Variants in RBFOX1 observed in about 807,000 individuals in gnomAD.
RBFOX1 encodes the protein RNA binding fox-1 homolog 1.
A neutral mutation model predicts 57.7 loss-of-function variants in RBFOX1; 8 were observed. The observed-to-expected ratio is 0.14, with a 90% CI of 0.08 to 0.25. The LOEUF is 0.25. Among genes scored for constraint, RBFOX1 ranks in the 10% least tolerant of loss-of-function variants. The pLI is 1.00. For missense variants in RBFOX1, 611 were observed against 548.5 expected (o/e 1.11, Z -1.14); for synonymous variants, 326 against 222.4 (o/e 1.47, Z -4.15).
chr16:6,934,483 A>G (rs540512037), intron 3 of RBFOX1, among the ~76,000 whole-genome samples: 1 of 152,320 alleles, frequency 6.6e-6, no homozygotes, highest in African/African-American at 2.4e-5. Flanking sequence ...CTAACTGTCC[A>G]TCAGTGGGCT....
intron 3 of RBFOX1, among the ~76,000 whole-genome samples, chr16:6,850,006 A>G (rs1437697314): frequency 6.6e-6 from 1 of 152,202 alleles, no homozygotes; most frequent in Non-Finnish European, 1.5e-5. Flanking sequence ...AACAAAAGTG[A>G]CAAGTGACAT....
At chr16:7,035,389 C>A (rs528304786) in intron 3 of RBFOX1, among the ~76,000 whole-genome samples, 1 of 152,192 alleles carries the variant, frequency 6.6e-6, no homozygotes, top group Admixed American at 6.5e-5. Flanking sequence ...TCACGTTATA[C>A]ACTTAAATTA....
At chr16:7,281,330 T>C (rs2095539491) in intron 4 of RBFOX1, among the ~76,000 whole-genome samples, 1 of 151,628 alleles carries the variant, frequency 6.6e-6, no homozygotes. Context: ...AATGAGCTTC[T>C]GCTTGGGGGG....
chr16:5,508,479 C>A (rs191333694), intron 2 of RBFOX1, among the ~76,000 whole-genome samples: 2 of 152,332 alleles, frequency 1.3e-5, no homozygotes, highest in East Asian at 3.9e-4. Context: ...GTGTTCTATT[C>A]ATTAAAAACA....
intron 3 of RBFOX1, among the ~76,000 whole-genome samples, chr16:6,727,393 C>G (rs2067480385): frequency 6.6e-6 from 1 of 151,848 alleles, no homozygotes; most frequent in Admixed American, 6.6e-5. Flanking sequence ...TCTCATTAGT[C>G]TTCATTTTAC....
Position 7,041,180 on chromosome 16 carries a change from C to T in RBFOX1, c.-15-10877C>T, listed in dbSNP as rs560983377. The stretch of plus-strand genomic sequence containing the variant: ...CGAACATCTGACCTCATGATCCACC[C>T]GCCTTGTCCTCCCAAAGTGCTGGGA... On this transcript the variant is annotated intron_variant, in intron 3 of 15. Transcript: ENST00000550418. Among the ~76,000 whole-genome samples, 76 of 151,034 alleles carry T rather than the reference C, an allele frequency of 5.0e-4. 1 individual carries two copies. The highest frequency in any genetic ancestry group is 4.0e-3 in the Admixed American group (61 of 15,108).
intron 4 of RBFOX1, among the ~76,000 whole-genome samples, chr16:5,902,749 AATCTCTTATTCT>A (rs1207077853): frequency 6.6e-6 from 1 of 151,980 alleles, no homozygotes; most frequent in African/African-American, 2.4e-5. Context: ...AGCCTTCATC[AATCTCTTATTCT>A]ATCCACCCTC....
intron 4 of RBFOX1, among the ~76,000 whole-genome samples, chr16:7,073,288 T>C (rs1035039888): frequency 6.6e-6 from 1 of 152,176 alleles, no homozygotes; most frequent in Non-Finnish European, 1.5e-5. Context: ...ACTATTTGGC[T>C]CTTTTCAGAA....
intron 4 of RBFOX1, among the ~76,000 whole-genome samples, chr16:7,393,039 A>G (rs1263875774): frequency 5.9e-5 from 9 of 151,902 alleles, no homozygotes; most frequent in African/African-American, 1.7e-4. Context: ...ACACCTGGCT[A>G]ATTTTTGCAT....
chr16:5,369,433 T>C (rs2065805320), intron 1 of RBFOX1, among the ~76,000 whole-genome samples: 1 of 152,240 alleles, frequency 6.6e-6, no homozygotes, highest in African/African-American at 2.4e-5. Flanking sequence ...TCCCAGTCAC[T>C]GGCATTTGCA....
chr16:6,829,989 T>A (rs925041090), intron 3 of RBFOX1, among the ~76,000 whole-genome samples: 8 of 152,028 alleles, frequency 5.3e-5, no homozygotes, highest in African/African-American at 1.7e-4. Flanking sequence ...CAGTCTCAGC[T>A]CTCTGCCACC....
intron 4 of RBFOX1, among the ~76,000 whole-genome samples, chr16:7,200,825 T>G (rs946889523): frequency 6.6e-6 from 1 of 152,194 alleles, no homozygotes; most frequent in Non-Finnish European, 1.5e-5. Flanking sequence ...CCATAGGCCC[T>G]TTCATGCTTT....
At chr16:5,707,121 G>A (rs2051281876) in intron 3 of RBFOX1, among the ~76,000 whole-genome samples, 1 of 152,082 alleles carries the variant, frequency 6.6e-6, no homozygotes, top group Admixed American at 6.5e-5. Flanking sequence ...GATTTTTCAC[G>A]ACTCTCCCAT....
At chr16:5,780,466 A>G (rs955184385) in intron 3 of RBFOX1, among the ~76,000 whole-genome samples, 13 of 152,262 alleles carry the variant, frequency 8.5e-5, no homozygotes, top group African/African-American at 3.1e-4. Context: ...GGGAATGAAT[A>G]TGAGATAAAG....
At chr16:5,553,072 A>G (rs1361321111) in intron 2 of RBFOX1, among the ~76,000 whole-genome samples, 1 of 152,136 alleles carries the variant, frequency 6.6e-6, no homozygotes, top group Non-Finnish European at 1.5e-5. Flanking sequence ...CATAGGTGGG[A>G]ATTGAACAAT....
Position 7,595,538 on chromosome 16 carries a change from C to T in RBFOX1, c.469-11C>T, listed in dbSNP as rs2094641791. On this transcript the variant is annotated splice_polypyrimidine_tract_variant and intron_variant, in intron 7 of 15. Transcript: ENST00000550418. ...CTGCATGTTGTTTTCCCTTCTCCCT[C>T]CTGCATGCAGGGATTTGGTTTCGTA... 1.9e-6 allele frequency: 3 copies of T among 1,545,666 alleles called. No individual in the cohort carries two copies. The highest frequency in any genetic ancestry group is 2.6e-6 in the Non-Finnish European group (3 of 1,140,512).
At chr16:5,932,951 A>G (rs2059095674) in intron 4 of RBFOX1, among the ~76,000 whole-genome samples, 1 of 152,152 alleles carries the variant, frequency 6.6e-6, no homozygotes. Flanking sequence ...TTATTAGGTA[A>G]TGATATCACT....
chr16:7,421,164 T>C (rs1273177356), intron 4 of RBFOX1, among the ~76,000 whole-genome samples: 1 of 152,048 alleles, frequency 6.6e-6, no homozygotes, highest in Admixed American at 6.6e-5. Flanking sequence ...GAAAGTTGTA[T>C]GTAATAGAAA....
chr16:6,881,326 A>G (rs1434546219), intron 3 of RBFOX1, among the ~76,000 whole-genome samples: 4 of 152,206 alleles, frequency 2.6e-5, no homozygotes, highest in South Asian at 4.1e-4. Flanking sequence ...TTGGACTGCC[A>G]TAACACAGTG....
Sources: allele counts gnomAD v4.1 joint callset (sites outside exome capture counted in the v4.1 genomes callset), GRCh38; gene constraint gnomAD v4.1.1; transcripts MANE v1.5; gene names NCBI Gene and HGNC (gene_info 2026-07-23, HGNC 2026-07-21).